DLG2: variants seen among roughly 807,000 people sequenced by gnomAD.
DLG2 encodes the protein discs large MAGUK scaffold protein 2, also known as disks large homolog 2.
In DLG2, 45 loss-of-function variants were observed where a neutral mutation model predicts 132.5. That is an observed-to-expected ratio of 0.34 (90% CI 0.27 to 0.44). The LOEUF is 0.44. Among genes scored for constraint, DLG2 ranks in the 20% least tolerant of loss-of-function variants. The pLI is 1.00. For missense variants in DLG2, 1,045 were observed against 1,196.9 expected (o/e 0.87, Z 1.87); for synonymous variants, 424 against 419.6 (o/e 1.01, Z -0.13).
chr11:84,983,489 G>T (rs936454827), intron 6 of DLG2, among the ~76,000 whole-genome samples: 1 of 151,850 alleles, frequency 6.6e-6, no homozygotes, highest in East Asian at 1.9e-4. Flanking sequence ...AAAAAAATCT[G>T]AACAGCAGCC....
In DLG2 at chr11:84,502,398, CTTTCTTTCTTT is replaced by C. The variant is rs1567807246; in HGVS notation, c.519+32161_519+32171del. 1.3e-3 allele frequency among the ~76,000 whole-genome samples: 124 copies of C among 94,690 alleles called. 1 individual carries two copies. The highest frequency in any genetic ancestry group is 3.4e-3 in the African/African-American group (72 of 21,026). 62.1% of individuals were successfully genotyped at this position (94,690 alleles called of 152,430 possible). ...TCTTTCTTTCTTTCTTTCTTTCTTT[CTTTCTTTCTTT>C]CTTTCTATACAGAGTCTCATGCTGT... is the stretch of plus-strand genomic sequence containing the variant. On this transcript the variant is annotated intron_variant, in intron 7 of 27. Coordinates refer to ENST00000376104, the MANE Select transcript of DLG2 (RefSeq NM_001142699.3).
At chr11:83,943,333 A>G (rs1369382242) in intron 14 of DLG2, among the ~76,000 whole-genome samples, 2 of 152,208 alleles carry the variant, frequency 1.3e-5, no homozygotes, top group Non-Finnish European at 2.9e-5. Context: ...AGGGATATGT[A>G]TTGGGTACTT....
intron 17 of DLG2, among the ~76,000 whole-genome samples, chr11:83,830,606 G>A (rs1239974566): frequency 2.0e-5 from 3 of 152,194 alleles, no homozygotes; most frequent in South Asian, 2.1e-4. Flanking sequence ...ATGTGTTCCC[G>A]AATGTGATGT....
intron 4 of DLG2, among the ~76,000 whole-genome samples, chr11:85,191,807 C>A (rs796913653): frequency 2.0e-5 from 3 of 152,224 alleles, no homozygotes; most frequent in African/African-American, 7.2e-5. Context: ...ATATTGAATA[C>A]TTCTTATAAG....
At chr11:84,570,836 T>C (rs2099480433) in intron 6 of DLG2, among the ~76,000 whole-genome samples, 1 of 152,204 alleles carries the variant, frequency 6.6e-6, no homozygotes, top group African/African-American at 2.4e-5. Context: ...TTAAAATTAA[T>C]TTGTCAAAAA....
At chr11:84,539,189 A>G (rs1034095516) in intron 6 of DLG2, among the ~76,000 whole-genome samples, 1 of 152,200 alleles carries the variant, frequency 6.6e-6, no homozygotes, top group Non-Finnish European at 1.5e-5. Flanking sequence ...TCAGATAATT[A>G]GGTATTTTTC....
Position 84,370,230 on chromosome 11 carries a change from A to T in DLG2, c.520-118939T>A, listed in dbSNP as rs180744271. 4.6e-5 allele frequency among the ~76,000 whole-genome samples: 7 copies of T among 152,272 alleles called. No individual in the cohort carries two copies. The East Asian group carries it at 1.2e-3, about 25-fold the overall frequency. ...CACAGATCTGAGCTGCCTCTCACCT[A>T]AAAGTGGTATAGGGGGAAGTTGTAT... On this transcript the variant is annotated intron_variant, in intron 7 of 27. Transcript: ENST00000376104.
At chr11:85,032,039 G>C (rs1017304119) in intron 6 of DLG2, among the ~76,000 whole-genome samples, 2 of 129,334 alleles carry the variant, frequency 1.5e-5, no homozygotes, top group African/African-American at 6.0e-5. Context: ...CTAACCTAAA[G>C]TGATCTGCCC....
At chr11:84,674,331 T>C (rs1342002579) in intron 6 of DLG2, among the ~76,000 whole-genome samples, 1 of 152,126 alleles carries the variant, frequency 6.6e-6, no homozygotes. Flanking sequence ...GAAGACTTTT[T>C]ACTTCCTTGA....
chr11:84,532,560 A>G (rs896891651), intron 7 of DLG2, among the ~76,000 whole-genome samples: 6 of 152,028 alleles, frequency 3.9e-5, no homozygotes, highest in African/African-American at 1.4e-4. Flanking sequence ...CAGTGGCGTG[A>G]TCATGGCTTA....
At chr11:84,223,216 A>G (rs781580680) in intron 8 of DLG2, among the ~76,000 whole-genome samples, 22 of 152,156 alleles carry the variant, frequency 1.4e-4, no homozygotes, top group African/African-American at 3.6e-4. Flanking sequence ...ACTGTCCAGT[A>G]GTGAGGTAGG....
chr11:84,597,725 C>A (rs556389936), intron 6 of DLG2, among the ~76,000 whole-genome samples: 6 of 152,236 alleles, frequency 3.9e-5, no homozygotes, highest in Non-Finnish European at 8.8e-5. Context: ...GTGGATTGCA[C>A]TGATATCATC....
chr11:85,506,052 G>C (rs934776584), intron 3 of DLG2, among the ~76,000 whole-genome samples: 1 of 152,162 alleles, frequency 6.6e-6, no homozygotes, highest in Non-Finnish European at 1.5e-5. Context: ...ATTTCTGTGG[G>C]ATCAGTGGTG....
At chr11:84,799,409 G>A (rs551520340) in intron 6 of DLG2, among the ~76,000 whole-genome samples, 1 of 152,224 alleles carries the variant, frequency 6.6e-6, no homozygotes, top group Non-Finnish European at 1.5e-5. Flanking sequence ...GTTGGAAGAG[G>A]GGTGGAAGAG....
chr11:83,662,555 C>G (rs2074553669), intron 18 of DLG2, among the ~76,000 whole-genome samples: 1 of 152,192 alleles, frequency 6.6e-6, no homozygotes, highest in Non-Finnish European at 1.5e-5. Context: ...AATACATTAA[C>G]TCAATGAATC....
chr11:84,699,791 A>G (rs1418383615), intron 6 of DLG2, among the ~76,000 whole-genome samples: 1 of 151,588 alleles, frequency 6.6e-6, no homozygotes, highest in Non-Finnish European at 1.5e-5. Context: ...AGGTAATTGG[A>G]AAAAGAGCTT....
rs191697111 is a variant in DLG2 at position 84,003,146 on chromosome 11, G to C, written c.920-22504C>G. On this transcript the variant is annotated intron_variant, in intron 11 of 27. Coordinates refer to ENST00000376104, the MANE Select transcript of DLG2 (RefSeq NM_001142699.3). ...CATAGCAAGAGTCACCTTTATTCCA[G>C]TTCCCAATAAGTTCTTCATCTCCAT... Among the ~76,000 whole-genome samples, 742 of 152,218 alleles carry C rather than the reference G, an allele frequency of 4.9e-3. 3 individuals are homozygous for C. The highest frequency in any genetic ancestry group is 8.6e-3 in the Non-Finnish European group (584 of 68,012).
chr11:83,497,475 C>T (rs922600322), intron 21 of DLG2, among the ~76,000 whole-genome samples: 23 of 151,564 alleles, frequency 1.5e-4, no homozygotes, highest in Non-Finnish European at 2.7e-4. Context: ...GCAGAGGATG[C>T]GGTGAGCCGA....
chr11:84,614,623 G>A (rs762413487), intron 6 of DLG2, among the ~76,000 whole-genome samples: 1 of 152,162 alleles, frequency 6.6e-6, no homozygotes, highest in South Asian at 2.1e-4. Context: ...CAGACAAGTA[G>A]GTGCTAAATA....
Sources: allele counts gnomAD v4.1 joint callset (sites outside exome capture counted in the v4.1 genomes callset), GRCh38; gene constraint gnomAD v4.1.1; transcripts MANE v1.5; gene names NCBI Gene and HGNC (gene_info 2026-07-23, HGNC 2026-07-21).